The following INF2 variants were observed in gnomAD, a reference collection of about 807,000 sequenced individuals.
INF2 encodes the protein inverted formin 2.
A neutral mutation model predicts 123.5 loss-of-function variants in INF2; 43 were observed. The observed-to-expected ratio is 0.35, with a 90% CI of 0.27 to 0.45. The LOEUF is 0.45. Among genes scored for constraint, INF2 ranks in the 20% least tolerant of loss-of-function variants. The pLI is 1.00. For synonymous variants in INF2, 851 were observed against 745.0 expected, an observed-to-expected ratio of 1.14 and a Z score of -2.32; for missense variants, 1,453 against 1,682.7, an observed-to-expected ratio of 0.86 and a Z score of 2.39.
exon 1 of INF2, chr14:104,681,483 C>T: frequency 2.9e-6 from 3 of 1,027,652 alleles, no homozygotes; most frequent in Non-Finnish European, 4.0e-6. Context: ...CAGCTAAGCC[C>T]TAGTTACCGG....
At chr14:104,686,122 TGATGGGTA>T (rs934210398), upstream of INF2, among the ~76,000 whole-genome samples, 1 of 138,946 alleles carries the variant, frequency 7.2e-6, no homozygotes, top group Admixed American at 7.2e-5. Context: ...GATGAGTGGA[TGATGGGTA>T]GGTGGATGGG....
rs1890051019 is a variant in INF2 at position 104,711,610 on chromosome 14, T to A, written c.2419-19T>A. 3 of 1,611,396 alleles carry A rather than the reference T, an allele frequency of 1.9e-6. No homozygotes were observed. The East Asian group carries it at 6.7e-5, about 36-fold the overall frequency. On this transcript the variant is annotated intron_variant, in intron 15 of 22. Transcript: ENST00000392634. ...AGAGTATGACCACAGTGGATCTCAC[T>A]GGACGTGTCCCATTGCAGGAAGCGG...
rs79559717 is a variant in INF2 at position 104,705,978 on chromosome 14, G to A, written c.702-57G>A. 221,374 of 1,582,996 alleles carry A rather than the reference G, an allele frequency of 0.14. 16,488 individuals are homozygous for A. The highest frequency in any genetic ancestry group is 0.15 in the Non-Finnish European group (175,099 of 1,159,064). On this transcript the variant is annotated intron_variant, in intron 5 of 22. Coordinates refer to ENST00000392634, the MANE Select transcript of INF2 (RefSeq NM_022489.4). ...CACTGGCGCTGACCCAGGCTGCCCC[G>A]CCTGCGTGTTGGTGGTGGCAGCAGC... is the stretch of plus-strand genomic sequence containing the variant.
intron 22 of INF2, among the ~76,000 whole-genome samples, chr14:104,717,237 TGCGCTGCCGTCCTCCC>T (rs1890340239): frequency 7.0e-6 from 1 of 141,938 alleles, no homozygotes; most frequent in African/African-American, 2.8e-5. Flanking sequence ...CCGGGCAGGG[TGCGCTGCCGTCCTCCC>T]AGTCCGCCCC....
chr14:104,704,417 A>G (rs1244388115), intron 5 of INF2: 3 of 215,616 alleles, frequency 1.4e-5, no homozygotes, highest in East Asian at 2.3e-4. Context: ...AGGGTCCCCA[A>G]CCGCCAGGCT....
At chr14:104,705,946 G>A in intron 5 of INF2, 89 bp from the exon 6 acceptor site, 2 of 1,521,186 alleles carry the variant, frequency 1.3e-6, no homozygotes, top group South Asian at 1.2e-5. Context: ...GCTGAGCGGG[G>A]CTGGTACACT....
intron 1 of INF2, among the ~76,000 whole-genome samples, chr14:104,695,403 G>T (rs1839587000): frequency 6.6e-6 from 1 of 152,110 alleles, no homozygotes; most frequent in Non-Finnish European, 1.5e-5. Context: ...CACCCCGTTG[G>T]CCCTGCTGTT....
chr14:104,689,756 G>C lies in INF2; in HGVS notation c.-10+17G>C, dbSNP rs570221097. ...CCTCACCGGGTAAGTCCTTGGCCTC[G>C]GGGTCCGCTTGGAGCTTCAGGGGAA... is the stretch of plus-strand genomic sequence containing the variant. On this transcript the variant is annotated intron_variant, in intron 1 of 22. Coordinates refer to ENST00000392634, the MANE Select transcript of INF2 (RefSeq NM_022489.4). The C allele has an allele frequency of 1.0e-6, 1 of 984,720 alleles. No homozygotes were observed. The highest frequency in any genetic ancestry group is 4.7e-5 in the South Asian group (1 of 21,282). The allele number at this position is 984,720 out of a possible 1,614,324, so 61.0% of individuals were successfully genotyped here.
chr14:104,708,026 G>A, intron 8 of INF2, 24 bp downstream of exon 8: 1 of 1,598,092 alleles, frequency 6.3e-7, no homozygotes, highest in Non-Finnish European at 8.5e-7. Context: ...GACCCCCAAG[G>A]GAAGCTTCCC....
At chr14:104,685,381 C>T (rs1888629608), upstream of INF2, among the ~76,000 whole-genome samples, 1 of 152,120 alleles carries the variant, frequency 6.6e-6, no homozygotes, top group Non-Finnish European at 1.5e-5. Context: ...TTGCAAAATG[C>T]TGAGAGGCTC....
chr14:104,710,710 C>A, intron 13 of INF2: 1 of 586,244 alleles, frequency 1.7e-6, no homozygotes, highest in Non-Finnish European at 3.0e-6. Context: ...CAGGTACGGA[C>A]CAGTGAGGCA....
In INF2 at chr14:104,706,769, C is replaced by T. The variant is rs940430364; in HGVS notation, c.844-141C>T. 2.0e-5 allele frequency: 18 copies of T among 894,492 alleles called. No individual in the cohort carries two copies. In the African/African-American group the frequency reaches 2.7e-4, roughly 13 times the overall value. The allele number at this position is 894,492 out of a possible 1,614,324, so 55.4% of individuals were successfully genotyped here. ...ACAGTCCCACATGTCACCAGTACCA[C>T]AGTCGCTGAAACTCTCATCTCTAGG... On this transcript the variant is annotated intron_variant, in intron 6 of 22. Transcript: ENST00000392634.
chr14:104,682,746 C>T (rs541802724), intron 1 of INF2, among the ~76,000 whole-genome samples: 17 of 152,238 alleles, frequency 1.1e-4, no homozygotes, highest in African/African-American at 2.2e-4. Context: ...GAATGCTCAC[C>T]GTGAAACCAA....
chr14:104,689,099 A>T, upstream of INF2: 1 of 566,710 alleles, frequency 1.8e-6, no homozygotes, highest in Non-Finnish European at 2.2e-6. Flanking sequence ...AGGGCTGCGG[A>T]GAGGAGGCCA....
At position 104,708,726 on chromosome 14, in the gene INF2, T is replaced by A. The variant is rs778618856; in HGVS notation, c.1943T>A (p.Phe648Tyr). ...SLNLNIFLKQ[F>Y]KCSNEEVAAM... is the part of the protein sequence containing the mutation. ...AACCTCAACATCTTCCTGAAGCAAT[T>A]TAAGTGGTGAGTGAGGGAGGTAGCC... Residue 648 changes from phenylalanine (F) to tyrosine (Y), a missense_variant, in exon 10 of 23, where the codon TTT (phenylalanine) becomes TAT (tyrosine). Transcript: ENST00000392634. The A allele has an allele frequency of 3.7e-6, 6 of 1,613,032 alleles. No homozygotes were observed. The South Asian group carries it at 6.6e-5, about 18-fold the overall frequency.
chr14:104,683,877 G>A (rs1227658187), intron 1 of INF2, among the ~76,000 whole-genome samples: 1 of 152,148 alleles, frequency 6.6e-6, no homozygotes, highest in Non-Finnish European at 1.5e-5. Context: ...CAGGGTTCAA[G>A]GCCAGAAGCA....
chr14:104,708,810 T>G, intron 10 of INF2, 78 bp downstream of exon 10: 2 of 1,436,072 alleles, frequency 1.4e-6, no homozygotes, highest in Non-Finnish European at 2.0e-6. Flanking sequence ...GGCCCAGCAG[T>G]GCCCTCTGCA....
rs1391794182 is a variant in INF2, at chr14:104,712,348, G to A, written c.2490-85G>A. Reference sequence around the variant, plus strand: ...CCTGCAGGGTGCACAGTGGGGTGCCGGGGGGTGCAGGGGAGGGGCTCCCCT... The same window carrying A: ...CCTGCAGGGTGCACAGTGGGGTGCCAGGGGGTGCAGGGGAGGGGCTCCCCT... On this transcript the variant is annotated intron_variant, in intron 16 of 22. Transcript: ENST00000392634. 2.4e-5 allele frequency: 38 copies of A among 1,555,724 alleles called. No homozygotes were observed. In the East Asian group the frequency reaches 5.3e-4, roughly 22 times the overall value.
rs1034431222 is a variant in INF2 at position 104,718,655 on chromosome 14, G to A, written c.*2-140G>A. 15 of 1,455,692 alleles carry A rather than the reference G, an allele frequency of 1.0e-5. No homozygotes were observed. The African/African-American group carries it at 2.1e-4, about 20-fold the overall frequency. The allele number at this position is 1,455,692 out of a possible 1,614,324, so 90.2% of individuals were successfully genotyped here. ...GCTCCAGAGAAAGAGCCTGGGGTCA[G>A]AGTGGACCTGCGATGCATGGCACAA... On this transcript the variant is annotated intron_variant, in intron 22 of 22. Coordinates refer to ENST00000392634, the MANE Select transcript of INF2 (RefSeq NM_022489.4).
Sources: allele counts gnomAD v4.1 joint callset (sites outside exome capture counted in the v4.1 genomes callset), GRCh38; gene constraint gnomAD v4.1.1; transcripts MANE v1.5; gene names NCBI Gene and HGNC (gene_info 2026-07-23, HGNC 2026-07-21).